The following SH3RF1 variants were observed in gnomAD, a reference collection of about 807,000 sequenced individuals.
SH3RF1 encodes the protein E3 ubiquitin-protein ligase SH3RF1.
A neutral mutation model predicts 74.0 loss-of-function variants in SH3RF1; 32 were observed. That is an observed-to-expected ratio of 0.43 (90% CI 0.33 to 0.58). The LOEUF is 0.58. Ranked by LOEUF, SH3RF1 falls within the 20% of genes least tolerant of loss-of-function variation. The pLI is 0.05. For missense variants in SH3RF1, 954 were observed against 1,130.9 expected (o/e 0.84, Z 2.24); for synonymous variants, 396 against 439.6 (o/e 0.90, Z 1.24).
In SH3RF1 at chr4:169,254,746, C is replaced by T. The variant is rs572746706; in HGVS notation, c.393+14074G>A. Among the ~76,000 whole-genome samples, 4 of 152,300 alleles carry T rather than the reference C, an allele frequency of 2.6e-5. No homozygotes were observed. In the South Asian group the frequency reaches 8.3e-4, roughly 32 times the overall value. On this transcript the variant is annotated intron_variant, in intron 2 of 11. Transcript: ENST00000284637. ...ATGACAGCCCTTCCACAACTTGAAG[C>T]CCCATTCAGAACTTTATCACCACAC...
intron 2 of SH3RF1, among the ~76,000 whole-genome samples, chr4:169,226,427 C>T (rs781611271): frequency 6.0e-5 from 9 of 150,524 alleles, no homozygotes; most frequent in Non-Finnish European, 1.2e-4. Flanking sequence ...CATTCCACAG[C>T]AGTGAAAAGC....
intron 2 of SH3RF1, among the ~76,000 whole-genome samples, chr4:169,168,131 C>A (rs1360602399): frequency 3.3e-5 from 5 of 152,052 alleles, no homozygotes; most frequent in Admixed American, 3.3e-4. Context: ...CAGAGTGAGA[C>A]CTCACCTCTA....
At chr4:169,239,291 T>C (rs960305634) in intron 2 of SH3RF1, among the ~76,000 whole-genome samples, 3 of 151,550 alleles carry the variant, frequency 2.0e-5, no homozygotes, top group Non-Finnish European at 2.9e-5. Flanking sequence ...TATTAAAACA[T>C]GAAAGAAACA....
intron 6 of SH3RF1, among the ~76,000 whole-genome samples, chr4:169,122,927 G>A (rs181463607): frequency 1.3e-5 from 2 of 152,216 alleles, no homozygotes; most frequent in Admixed American, 1.3e-4. Flanking sequence ...AGCCTAATGG[G>A]GTTCTGCCTA....
At chr4:169,140,702 CT>C (rs994392746) in intron 4 of SH3RF1, among the ~76,000 whole-genome samples, 1 of 151,800 alleles carries the variant, frequency 6.6e-6, no homozygotes, top group African/African-American at 2.4e-5. Context: ...AGAATATAGC[CT>C]TTTTTAAAAG....
chr4:169,113,658 T>A (rs1340022677), intron 10 of SH3RF1, among the ~76,000 whole-genome samples: 2 of 152,044 alleles, frequency 1.3e-5, no homozygotes, highest in Non-Finnish European at 2.9e-5. Flanking sequence ...TCCTTGTAGA[T>A]GTGATGGAGA....
Position 169,094,999 on chromosome 4 carries a change from C to T in SH3RF1, c.*1520G>A, listed in dbSNP as rs945974991. On this transcript the variant is annotated 3_prime_UTR_variant, in exon 12 of 12. Coordinates refer to ENST00000284637, the MANE Select transcript of SH3RF1 (RefSeq NM_020870.4). Reference sequence around the variant, plus strand: ...ATCTTATTCATTACCAGGCTGTCTTCCCTCCTTTTGTTTTCCGGACTACCC... The same window carrying T: ...ATCTTATTCATTACCAGGCTGTCTTTCCTCCTTTTGTTTTCCGGACTACCC... 1.3e-5 allele frequency: 2 copies of T among 152,526 alleles called. No individual in the cohort carries two copies. The highest frequency in any genetic ancestry group is 2.9e-5 in the Non-Finnish European group (2 of 68,008). 9.4% of individuals were successfully genotyped at this position (152,526 alleles called of 1,614,324 possible).
At chr4:169,240,578 A>C (rs1370998435) in intron 2 of SH3RF1, among the ~76,000 whole-genome samples, 1 of 152,148 alleles carries the variant, frequency 6.6e-6, no homozygotes, top group Non-Finnish European at 1.5e-5. Context: ...GGAGTTTTTG[A>C]GTTTTCTTCT....
chr4:169,257,661 T>C (rs1399906401), intron 2 of SH3RF1, among the ~76,000 whole-genome samples: 3 of 152,340 alleles, frequency 2.0e-5, no homozygotes, highest in South Asian at 4.1e-4. Flanking sequence ...ATTCTAAATA[T>C]GGTTCTAAAG....
Position 169,215,958 on chromosome 4 carries a change from C to G in SH3RF1, c.393+52862G>C, listed in dbSNP as rs372148954. ...GGCTGGGACCACTGGCACACACCAC[C>G]ATGCCTGGTTAATTTTTGTATTTTT... On this transcript the variant is annotated intron_variant, in intron 2 of 11. Coordinates refer to ENST00000284637, the MANE Select transcript of SH3RF1 (RefSeq NM_020870.4). Among the ~76,000 whole-genome samples, 58 of 152,142 alleles carry G rather than the reference C, an allele frequency of 3.8e-4. No individual in the cohort carries two copies. In the South Asian group the frequency reaches 0.012, roughly 31 times the overall value.
intron 2 of SH3RF1, among the ~76,000 whole-genome samples, chr4:169,256,498 G>A (rs1191008088): frequency 6.6e-6 from 1 of 152,200 alleles, no homozygotes. Context: ...TAAGCCAGCT[G>A]TTTAAAACAG....
chr4:169,118,457 TTAG>T (rs913205328), intron 8 of SH3RF1, among the ~76,000 whole-genome samples: 18 of 152,118 alleles, frequency 1.2e-4, no homozygotes, highest in Non-Finnish European at 2.4e-4. Context: ...TATATTATTA[TTAG>T]TAGTAGTAGT....
intron 2 of SH3RF1, among the ~76,000 whole-genome samples, chr4:169,196,131 A>C (rs1388154754): frequency 6.6e-6 from 1 of 152,156 alleles, no homozygotes; most frequent in African/African-American, 2.4e-5. Context: ...ATAATTATAA[A>C]GTCTATTTCT....
chr4:169,191,757 A>G (rs1734715909), intron 2 of SH3RF1, among the ~76,000 whole-genome samples: 1 of 152,108 alleles, frequency 6.6e-6, no homozygotes, highest in Non-Finnish European at 1.5e-5. Flanking sequence ...TAGCCAACTG[A>G]TCTTCGACAA....
intron 2 of SH3RF1, among the ~76,000 whole-genome samples, chr4:169,203,029 C>T (rs909236602): frequency 3.3e-5 from 5 of 152,110 alleles, no homozygotes. Context: ...CTATGGTAAG[C>T]ATGGAAGGGC....
At chr4:169,260,817 A>C (rs1399988791) in intron 2 of SH3RF1, among the ~76,000 whole-genome samples, 1 of 152,230 alleles carries the variant, frequency 6.6e-6, no homozygotes, top group South Asian at 2.1e-4. Flanking sequence ...CAGGAAACCA[A>C]CATAACTGAG....
chr4:169,112,099 G>A (rs1433545840), intron 10 of SH3RF1, among the ~76,000 whole-genome samples: 2 of 152,196 alleles, frequency 1.3e-5, no homozygotes, highest in African/African-American at 2.4e-5. Flanking sequence ...CAATAGACAC[G>A]CTATCATGTG....
At chr4:169,109,449 T>C (rs1733204182) in intron 10 of SH3RF1, among the ~76,000 whole-genome samples, 1 of 152,204 alleles carries the variant, frequency 6.6e-6, no homozygotes, top group Admixed American at 6.5e-5. Context: ...CATCAACTGA[T>C]GCTGACTACC....
At chr4:169,261,937 CTGAG>C (rs1180471583) in intron 2 of SH3RF1, among the ~76,000 whole-genome samples, 3 of 151,758 alleles carry the variant, frequency 2.0e-5, no homozygotes, top group African/African-American at 7.3e-5. Flanking sequence ...TTTTCTTACA[CTGAG>C]TATTTTTTAA....
Sources: allele counts gnomAD v4.1 joint callset (sites outside exome capture counted in the v4.1 genomes callset), GRCh38; gene constraint gnomAD v4.1.1; transcripts MANE v1.5; gene names NCBI Gene and HGNC (gene_info 2026-07-23, HGNC 2026-07-21).